The following COL27A1 variants were observed in gnomAD, a reference collection of about 807,000 sequenced individuals.
COL27A1 encodes the protein collagen alpha-1(XXVII) chain.
Under a neutral mutation model 251.3 loss-of-function variants are expected in COL27A1, and 106 were observed. The observed-to-expected ratio is 0.42, with a 90% CI of 0.36 to 0.50. The LOEUF (loss-of-function observed/expected upper bound fraction) is 0.50, where lower values mean the gene tolerates loss of function less well. Ranked by LOEUF, COL27A1 falls within the 20% of genes least tolerant of loss-of-function variation. The pLI is 0.00. For missense variants in COL27A1, 2,325 were observed against 2,522.8 expected (o/e 0.92, Z 1.68); for synonymous variants, 1,000 against 986.3 (o/e 1.01, Z -0.26).
chr9:114,237,598 G>A (rs371969681), intron 18 of COL27A1, 64 bp from the exon 19 acceptor site: 27 of 1,352,656 alleles, frequency 2.0e-5, no homozygotes, highest in African/African-American at 2.9e-5. Flanking sequence ...GCGGGGGAAC[G>A]CAGGGGGTTC....
At chr9:114,192,625 C>T (rs558725822) in intron 5 of COL27A1, among the ~76,000 whole-genome samples, 3 of 152,136 alleles carry the variant, frequency 2.0e-5, no homozygotes, top group South Asian at 2.1e-4. Flanking sequence ...ACAGACTCAG[C>T]CTTTGTCTCT....
chr9:114,206,549 G>A (rs1588659063), intron 10 of COL27A1, among the ~76,000 whole-genome samples: 1 of 152,364 alleles, frequency 6.6e-6, no homozygotes, highest in South Asian at 2.1e-4. Flanking sequence ...CAGTCCAGCT[G>A]CAAACAGCTA....
intron 41 of COL27A1, among the ~76,000 whole-genome samples, chr9:114,285,057 G>C (rs1406386012): frequency 6.6e-6 from 1 of 152,240 alleles, no homozygotes; most frequent in Non-Finnish European, 1.5e-5. Context: ...TCAAGAAGCA[G>C]AAATGGACAT....
intron 8 of COL27A1, 54 bp downstream of exon 8, chr9:114,205,200 T>C: frequency 6.6e-7 from 1 of 1,523,334 alleles, no homozygotes; most frequent in South Asian, 1.1e-5. Context: ...TCCCAGCCCC[T>C]ACCTGTCTCT....
intron 16 of COL27A1, among the ~76,000 whole-genome samples, chr9:114,232,646 G>A (rs1430463926): frequency 6.6e-6 from 1 of 152,214 alleles, no homozygotes; most frequent in Admixed American, 6.5e-5. Flanking sequence ...ATGTGGTCAG[G>A]TGACACCGCA....
At position 114,157,075 on chromosome 9, in the gene COL27A1, A is replaced by AACACAC. The variant is rs150446535; in HGVS notation, c.62+1087_62+1092dup. ...CCCCCGCCCCGCACCCCCTCACCACAACACACACACACACACACACACACA... is the reference window on the plus strand; with the variant it reads ...CCCCCGCCCCGCACCCCCTCACCACAACACACACACACACACACACACACACACACA... On this transcript the variant is annotated intron_variant, in intron 1 of 60. Coordinates refer to ENST00000356083, the MANE Select transcript of COL27A1 (RefSeq NM_032888.4). Among the ~76,000 whole-genome samples the AACACAC allele has an allele frequency of 2.6e-3, 311 of 117,484 alleles. 1 individual carries two copies. The highest frequency in any genetic ancestry group is 8.3e-3 in the African/African-American group (287 of 34,462). The allele number at this position is 117,484 out of a possible 152,430, so 77.1% of individuals were successfully genotyped here. A position where few individuals can be genotyped will look rare whatever the true frequency, so the allele number is the denominator to read the frequency against.
At chr9:114,261,174 C>A (rs948122940) in intron 28 of COL27A1, among the ~76,000 whole-genome samples, 2 of 152,192 alleles carry the variant, frequency 1.3e-5, no homozygotes, top group Admixed American at 6.5e-5. Context: ...GCTTGTTCAT[C>A]GGCCCCTTTT....
intron 41 of COL27A1, among the ~76,000 whole-genome samples, chr9:114,287,828 G>A (rs570289643): frequency 5.3e-5 from 8 of 152,166 alleles, no homozygotes; most frequent in African/African-American, 9.7e-5. Flanking sequence ...AGGGACTCTC[G>A]GGTTGAGGGT....
At chr9:114,232,643 C>T (rs1471120639) in intron 16 of COL27A1, among the ~76,000 whole-genome samples, 1 of 152,240 alleles carries the variant, frequency 6.6e-6, no homozygotes, top group Non-Finnish European at 1.5e-5. Flanking sequence ...CTCATGTGGT[C>T]AGGTGACACC....
intron 59 of COL27A1, among the ~76,000 whole-genome samples, chr9:114,308,948 C>T (rs1272827609): frequency 6.6e-6 from 1 of 152,182 alleles, no homozygotes; most frequent in African/African-American, 2.4e-5. Flanking sequence ...CCTCGCTGAG[C>T]TCCTGGATCC....
At chr9:114,220,213 A>C (rs1209979666) in intron 13 of COL27A1, among the ~76,000 whole-genome samples, 1 of 152,184 alleles carries the variant, frequency 6.6e-6, no homozygotes, top group African/African-American at 2.4e-5. Context: ...GGGGAAGCAA[A>C]CGGTCTGCAG....
chr9:114,293,850 C>T (rs1007199271), intron 49 of COL27A1, among the ~76,000 whole-genome samples: 10 of 152,138 alleles, frequency 6.6e-5, no homozygotes, highest in Non-Finnish European at 1.5e-4. Flanking sequence ...AGCCTTATAT[C>T]TATTAAAGAA....
intron 37 of COL27A1, among the ~76,000 whole-genome samples, chr9:114,279,794 A>G (rs943323301): frequency 6.6e-6 from 1 of 152,142 alleles, no homozygotes; most frequent in African/African-American, 2.4e-5. Context: ...TTGAGGCTTC[A>G]GTGAGCTGAG....
At chr9:114,184,606 C>A (rs1409156135) in intron 5 of COL27A1, among the ~76,000 whole-genome samples, 2 of 152,216 alleles carry the variant, frequency 1.3e-5, no homozygotes, top group African/African-American at 4.8e-5. Context: ...TCTGGGCTTT[C>A]ACAGGGTGAA....
intron 5 of COL27A1, among the ~76,000 whole-genome samples, 158 bp from the exon 6 acceptor site, chr9:114,194,246 A>T (rs1194120696): frequency 1.3e-5 from 2 of 152,066 alleles, no homozygotes; most frequent in African/African-American, 2.4e-5. Context: ...AGAGCAGGGG[A>T]GTAGTAGAAT....
At chr9:114,229,922 T>A (rs1455715874) in intron 14 of COL27A1, among the ~76,000 whole-genome samples, 1 of 152,222 alleles carries the variant, frequency 6.6e-6, no homozygotes, top group Admixed American at 6.5e-5. Context: ...CACTGCAGCA[T>A]GCTCAGCCAC....
intron 27 of COL27A1, among the ~76,000 whole-genome samples, chr9:114,257,871 G>A (rs1043044599): frequency 2.8e-4 from 43 of 152,284 alleles, no homozygotes; most frequent in African/African-American, 1.0e-3. Flanking sequence ...GGAGAAAAAG[G>A]GAGATGAGGA....
chr9:114,211,160 G>T, intron 12 of COL27A1, 134 bp downstream of exon 12: 1 of 931,482 alleles, frequency 1.1e-6, no homozygotes, highest in South Asian at 1.5e-5. Flanking sequence ...CGCATGTGGG[G>T]TTGTCTGGCC....
chr9:114,300,953 C>T (rs1430641067), intron 51 of COL27A1, 119 bp from the exon 52 acceptor site: 9 of 1,022,318 alleles, frequency 8.8e-6, no homozygotes, highest in South Asian at 3.1e-5. Context: ...GGCCTGGGCC[C>T]GCTTCAGATG....
Sources: allele counts gnomAD v4.1 joint callset (sites outside exome capture counted in the v4.1 genomes callset), GRCh38; gene constraint gnomAD v4.1.1; transcripts MANE v1.5; gene names NCBI Gene and HGNC (gene_info 2026-07-23, HGNC 2026-07-21).